The following DLG5 variants were observed in gnomAD, a reference collection of about 807,000 sequenced individuals.
DLG5 encodes disks large homolog 5.
A neutral mutation model predicts 189.8 loss-of-function variants in DLG5; 48 were observed. The observed-to-expected ratio is 0.25, with a 90% confidence interval of 0.20 to 0.32. The LOEUF (loss-of-function observed/expected upper bound fraction) is 0.32. Among genes scored for constraint, DLG5 ranks in the 10% least tolerant of loss-of-function variants. DLG5 has a pLI of 1.00. For missense variants in DLG5, 2,160 were observed against 2,544.7 expected (o/e 0.85, Z 3.25); for synonymous variants, 1,016 against 1,054.1 (o/e 0.96, Z 0.70).
intron 14 of DLG5, 124 bp downstream of exon 14, chr10:77,824,260 G>A: frequency 7.2e-6 from 5 of 698,914 alleles, no homozygotes; most frequent in Non-Finnish European, 1.2e-5. Context: ...TGCCCCCTCT[G>A]CACTCAGTAA....
Position 77,838,597 on chromosome 10 carries a change from T to C in DLG5, c.1438-2675A>G, listed in dbSNP as rs1398928163. Among the ~76,000 whole-genome samples, 3 of 151,996 alleles carry C rather than the reference T, an allele frequency of 2.0e-5. No individual in the cohort carries two copies. In the South Asian group the frequency reaches 6.2e-4, roughly 32 times the overall value. ...CAGAACACAGAAGGGAGAGAGGGCA[T>C]AGAGAAGGAAAGGGGAAAATGGAGC... On this transcript the variant is annotated intron_variant, in intron 7 of 31. Coordinates refer to ENST00000372391, the MANE Select transcript of DLG5 (RefSeq NM_004747.4).
Position 77,820,001 on chromosome 10 carries a change from C to T in DLG5, c.3420G>A (p.Pro1140=), listed in dbSNP as rs1248095085. 5.0e-6 allele frequency: 8 copies of T among 1,613,410 alleles called. No individual in the cohort carries two copies. Among genetic ancestry groups the T allele is most frequent in the African/African-American group, 2.7e-5 (2 of 75,032 alleles). ...AQFLEEQKCV[P]ASGELSPELQ... ...GCTCCGGGGAGAGTTCTCCACTGGC[C>T]GGGACACACTTCTGTTCCTGCAGAT... Residue 1140 remains proline (P), a synonymous_variant, in exon 16 of 32, where the codon CCG becomes CCA. Transcript: ENST00000372391.
intron 7 of DLG5, 62 bp downstream of exon 7, chr10:77,841,819 A>G: frequency 6.4e-7 from 1 of 1,553,270 alleles, no homozygotes; most frequent in Non-Finnish European, 8.7e-7. Flanking sequence ...CGCACTCTGC[A>G]GCCCCTCTTC....
chr10:77,796,148 G>C lies in DLG5; in HGVS notation c.5349C>G (p.Val1783=), dbSNP rs769714158. ...TATAGTCGACAAACAGGCAATCTTT[G>C]ACACCCCGCTCAATGGCCTGCTGGG... ...KASQQAIERG[V]KDCLFVDYKR... The change falls in exon 29 of 32, where the codon GTC becomes GTG. Residue 1783 remains valine, a synonymous_variant. Transcript: ENST00000372391. This position sits in a 1 kb window ranked among gnomAD's most constrained non-coding sequence, Gnocchi z 5.2. 15 of 1,614,044 alleles carry C rather than the reference G, an allele frequency of 9.3e-6. No homozygotes were observed. The highest frequency in any genetic ancestry group is 1.2e-5 in the Non-Finnish European group (14 of 1,180,044).
intron 31 of DLG5, chr10:77,792,817 A>T: frequency 2.2e-6 from 1 of 454,690 alleles, no homozygotes; most frequent in East Asian, 3.8e-5. Context: ...CCAGGGCATC[A>T]GAAGGAAGTT....
rs763295100 is a variant in DLG5 at position 77,822,009 on chromosome 10, C to T, written c.2475G>A (p.Pro825=). The T allele has an allele frequency of 3.2e-5, 51 of 1,614,076 alleles. No individual in the cohort carries two copies. Among genetic ancestry groups the T allele is most frequent in the African/African-American group, 4.0e-5 (3 of 74,922 alleles). ...TCCGTTTGTTATGAGCCTGGACCTCCGGGCCATGGGCTCGAAAACTCAGCA... is the reference window on the plus strand; with the variant it reads ...TCCGTTTGTTATGAGCCTGGACCTCTGGGCCATGGGCTCGAAAACTCAGCA... ...DKMLSFRAHG[P]EVQAHNKRNL... is the part of the protein sequence containing the mutation. Residue 825 remains proline, a synonymous_variant, in exon 15 of 32, where the codon CCG becomes CCA. Coordinates refer to ENST00000372391, the MANE Select transcript of DLG5 (RefSeq NM_004747.4).
intron 1 of DLG5, among the ~76,000 whole-genome samples, chr10:77,908,568 A>G (rs555170782): frequency 1.3e-5 from 2 of 152,220 alleles, no homozygotes; most frequent in South Asian, 4.1e-4. Context: ...GAATTACCAG[A>G]CAAACCCGCC....
intron 27 of DLG5, among the ~76,000 whole-genome samples, chr10:77,804,022 C>G (rs995196210): frequency 3.3e-5 from 5 of 151,796 alleles, no homozygotes; most frequent in Non-Finnish European, 4.4e-5. Flanking sequence ...TCTTCGGTAG[C>G]TGGAACTACA....
chr10:77,852,502 G>A (rs1844029252), intron 5 of DLG5, among the ~76,000 whole-genome samples: 1 of 152,134 alleles, frequency 6.6e-6, no homozygotes, highest in Non-Finnish European at 1.5e-5. Context: ...CGCATGCTCT[G>A]CCTGCCGGGT....
At position 77,821,493 on chromosome 10, in the gene DLG5, A is replaced by C. The variant is rs144503327; in HGVS notation, c.2991T>G (p.Pro997=). ...KIDYLLPGPG[P]AHSPQPSKRA... ...TCTTGGAGGGCTGGGGAGAGTGAGC[A>C]GGCCCAGGACCTGGAAGCAGGTAGT... Residue 997 remains proline, a synonymous_variant, in exon 15 of 32, where the codon CCT becomes CCG. Coordinates refer to ENST00000372391, the MANE Select transcript of DLG5 (RefSeq NM_004747.4). The C allele has an allele frequency of 5.4e-3, 8,677 of 1,612,594 alleles. 29 individuals are homozygous for C. The highest frequency in any genetic ancestry group is 6.3e-3 in the Non-Finnish European group (7,403 of 1,179,960).
rs760692883 is a variant in DLG5, at chr10:77,817,030, C to T, written c.3851G>A (p.Arg1284Gln). 7 of 1,614,110 alleles carry T rather than the reference C, an allele frequency of 4.3e-6. No homozygotes were observed. The highest frequency in any genetic ancestry group is 1.7e-4 in the Middle Eastern group (1 of 6,034). The change falls in exon 19 of 32, where the codon CGG (arginine) becomes CAG (glutamine). Residue 1284 changes from arginine (R) to glutamine (Q), a missense_variant. Physicochemically the swap from Arg to Gln is conservative, Grantham distance 43. Coordinates refer to ENST00000372391, the MANE Select transcript of DLG5 (RefSeq NM_004747.4). ...IKIPSTPRYP[R>Q]SVVGSERGSV... ...ACCTCTCTCGGAGCCCACGACACTC[C>T]GCGGATATCTTGGTGTTGATGGGAT...
At chr10:77,881,323 A>C (rs1845274947) in intron 1 of DLG5, among the ~76,000 whole-genome samples, 1 of 152,158 alleles carries the variant, frequency 6.6e-6, no homozygotes, top group African/African-American at 2.4e-5. Flanking sequence ...AGGGAACAGG[A>C]GATACCTAGT....
At chr10:77,937,768 G>T in the DLG5 span, among the ~76,000 whole-genome samples, 2 of 148,310 alleles carry the variant, frequency 1.3e-5, no homozygotes, top group Admixed American at 1.4e-4. Context: ...GCCCAGGCTG[G>T]AGTGCAATGG....
At chr10:77,792,669 C>T in intron 31 of DLG5, 126 bp from the exon 32 acceptor site, 1 of 795,894 alleles carries the variant, frequency 1.3e-6, no homozygotes, top group Non-Finnish European at 2.1e-6. Context: ...GCACTCTGCT[C>T]CATCCCCACC....
At chr10:77,820,879 G>T in intron 15 of DLG5, 1 of 602,128 alleles carries the variant, frequency 1.7e-6, no homozygotes. Context: ...CCCCTCTTGT[G>T]TCACACTCCC....
intron 1 of DLG5, among the ~76,000 whole-genome samples, chr10:77,925,989 G>A (rs913969852): frequency 6.6e-6 from 1 of 152,224 alleles, no homozygotes; most frequent in Non-Finnish European, 1.5e-5. Flanking sequence ...AGGCACCTGA[G>A]AGTGAAGGCC....
intron 1 of DLG5, among the ~76,000 whole-genome samples, chr10:77,884,973 C>G (rs1247353435): frequency 6.6e-6 from 1 of 152,224 alleles, no homozygotes; most frequent in East Asian, 1.9e-4. Context: ...CACTTACCTG[C>G]AGACATCCAC....
intron 1 of DLG5, among the ~76,000 whole-genome samples, chr10:77,921,582 C>T (rs1298526874): frequency 6.6e-6 from 1 of 152,206 alleles, no homozygotes; most frequent in Non-Finnish European, 1.5e-5. Flanking sequence ...AAGGCCAAAC[C>T]CCTGCTCTGC....
chr10:77,868,507 G>A (rs1844776460), intron 2 of DLG5: 2 of 285,770 alleles, frequency 7.0e-6, no homozygotes, highest in African/African-American at 4.4e-5. Flanking sequence ...AATTGGAGTA[G>A]ATGACCTCTG....
Sources: gnomAD v4.1 joint callset for allele counts (sites outside exome capture counted in the v4.1 genomes callset) on GRCh38, gnomAD v4.1.1 for gene constraint, Gnocchi (gnomAD v3.1) non-coding constraint, MANE v1.5 for transcripts, NCBI Gene and HGNC (gene_info 2026-07-23, HGNC 2026-07-21) for gene names.